Variants in PHF3 observed in about 807,000 individuals in gnomAD.
The protein encoded by PHF3 is PHD finger protein 3.
Under a neutral mutation model 178.4 loss-of-function variants are expected in PHF3, and 41 were observed. That is an observed-to-expected ratio of 0.23 (90% CI 0.18 to 0.30). The LOEUF is 0.30. Ranked by LOEUF, PHF3 falls within the 10% of genes least tolerant of loss-of-function variation. The probability of loss-of-function intolerance (pLI) is 1.00; values close to 1 mark genes in which losing one functional copy is unlikely to be tolerated. For synonymous variants in PHF3, 842 were observed against 800.5 expected, an observed-to-expected ratio of 1.05 and a Z score of -0.88; for missense variants, 2,346 against 2,398.1, an observed-to-expected ratio of 0.98 and a Z score of 0.45.
chr6:63,713,381 AAG>A lies in PHF3; in HGVS notation c.5798_5799del (p.Glu1933AlafsTer3). On this transcript the variant is annotated frameshift_variant, in exon 16 of 16. Transcript: ENST00000262043. LOFTEE classifies it high-confidence loss of function. ...TTTATAGTGATTCACACCATTTGAAAAGAGAGCGACATGAAAAGGAATGGGAG... is the reference window on the plus strand; with the variant it reads ...TTTATAGTGATTCACACCATTTGAAAAGAGCGACATGAAAAGGAATGGGAG... Reference protein sequence around the residue: ...RFYSDSHHLKRERHEKEWEQE... With the variant: ...RFYSDSHHLKXERHEKEWEQE... 1.9e-6 allele frequency: 3 copies of A among 1,614,074 alleles called. No individual in the cohort carries two copies. The highest frequency in any genetic ancestry group is 1.1e-5 in the South Asian group (1 of 91,080).
intron 3 of PHF3, among the ~76,000 whole-genome samples, chr6:63,681,679 C>T (rs1461366237): frequency 6.6e-6 from 1 of 151,966 alleles, no homozygotes; most frequent in African/African-American, 2.4e-5. Context: ...TATTAAGATA[C>T]TAATGGCGTT....
chr6:63,656,910 C>T (rs1204224791), intron 2 of PHF3, among the ~76,000 whole-genome samples: 3 of 152,118 alleles, frequency 2.0e-5, no homozygotes, highest in Non-Finnish European at 4.4e-5. Flanking sequence ...TGTTAGGTTG[C>T]CTTTCCTCCA....
intron 2 of PHF3, among the ~76,000 whole-genome samples, chr6:63,669,195 A>T (rs1018097897): frequency 6.6e-6 from 1 of 152,236 alleles, no homozygotes; most frequent in Non-Finnish European, 1.5e-5. Context: ...ATTGTAAATA[A>T]ATCTTCAAGA....
intron 12 of PHF3, 32 bp downstream of exon 12, chr6:63,706,256 TC>T: frequency 6.8e-7 from 1 of 1,467,582 alleles, no homozygotes. Flanking sequence ...TCTGTAATAC[TC>T]ATTATAGATC....
rs191364787 is a variant in PHF3, at chr6:63,725,789, A to C, written c.*12081A>C. The stretch of plus-strand genomic sequence containing the variant: ...TGATCATTAGAGCACCATTTTTGCT[A>C]ATGATGTGAAATTTAGCAAATGTAA... On this transcript the variant is annotated 3_prime_UTR_variant, in exon 16 of 16. Coordinates refer to ENST00000262043, the MANE Select transcript of PHF3 (RefSeq NM_001370348.2). 3.3e-3 allele frequency among the ~76,000 whole-genome samples: 500 copies of C among 152,252 alleles called. 1 individual carries two copies. Among genetic ancestry groups the C allele is most frequent in the Non-Finnish European group, 5.2e-3 (354 of 67,968 alleles).
Position 63,721,061 on chromosome 6 carries a change from T to A in PHF3, c.*7353T>A. The A allele has an allele frequency of 1.3e-6, 2 of 1,551,392 alleles. No individual in the cohort carries two copies. The highest frequency in any genetic ancestry group is 1.7e-6 in the Non-Finnish European group (2 of 1,146,818). The stretch of plus-strand genomic sequence containing the variant: ...CCATCCATACAATTAGACCTTCTGT[T>A]TTAGTGGTACTGAAATTTAAGGATA... On this transcript the variant is annotated 3_prime_UTR_variant, in exon 16 of 16. Coordinates refer to ENST00000262043, the MANE Select transcript of PHF3 (RefSeq NM_001370348.2).
At position 63,635,855 on chromosome 6, in the gene PHF3, C is replaced by T. The variant is rs1279124947; in HGVS notation, c.-321C>T. 5.0e-6 allele frequency: 2 copies of T among 397,044 alleles called. No homozygotes were observed. The highest frequency in any genetic ancestry group is 8.9e-6 in the Non-Finnish European group (2 of 225,008). The allele number at this position is 397,044 out of a possible 1,614,324, so 24.6% of individuals were successfully genotyped here. A position where few individuals can be genotyped will look rare whatever the true frequency, so the allele number is the denominator to read the frequency against. ...CAGCTCCCGCGCCGCCGCCGCACGCCGATGGCTGCGGGGTCTCGCGCCGTC... is the reference window on the plus strand; with the variant it reads ...CAGCTCCCGCGCCGCCGCCGCACGCTGATGGCTGCGGGGTCTCGCGCCGTC... On this transcript the variant is annotated 5_prime_UTR_variant, in exon 1 of 16. Transcript: ENST00000262043.
intron 2 of PHF3, among the ~76,000 whole-genome samples, chr6:63,673,133 C>G (rs888162758): frequency 1.3e-5 from 2 of 151,132 alleles, no homozygotes; most frequent in African/African-American, 4.9e-5. Flanking sequence ...TTTTTAATGT[C>G]AACAATCTTG....
At position 63,717,425 on chromosome 6, in the gene PHF3, C is replaced by T. The variant is rs896716354; in HGVS notation, c.*3717C>T. 6.6e-6 allele frequency among the ~76,000 whole-genome samples: 1 copy of T among 152,058 alleles called. No homozygotes were observed. Among genetic ancestry groups the T allele is most frequent in the African/African-American group, 2.4e-5 (1 of 41,436 alleles). ...GACTACAAAGAACTATATACACAATCAGGTTTATTTCTGTCTCTTAAAGCA... is the reference window on the plus strand; with the variant it reads ...GACTACAAAGAACTATATACACAATTAGGTTTATTTCTGTCTCTTAAAGCA... On this transcript the variant is annotated 3_prime_UTR_variant, in exon 16 of 16. Coordinates refer to ENST00000262043, the MANE Select transcript of PHF3 (RefSeq NM_001370348.2).
At chr6:63,686,206 AAAG>A (rs2149585526) in intron 4 of PHF3, 1 of 320,376 alleles carries the variant, frequency 3.1e-6, no homozygotes, top group East Asian at 5.1e-5. Flanking sequence ...CATCTGCAAA[AAAG>A]CCAAACACTT....
rs1391538009 is a variant in PHF3, at chr6:63,712,181, A to G, written c.4593A>G (p.Ser1531=). 6.2e-7 allele frequency: 1 copy of G among 1,613,678 alleles called. No homozygotes were observed. The highest frequency in any genetic ancestry group is 8.5e-7 in the Non-Finnish European group (1 of 1,179,792). Residue 1531 remains serine (S), a synonymous_variant, in exon 16 of 16, where the codon TCA becomes TCG. Transcript: ENST00000262043. ...KEIKVKVDNI[S]ESTDKSAEIE... is the part of the protein sequence containing the mutation. ...TAAAAGTTAAAGTAGATAATATTTC[A>G]GAATCTACAGATAAGTCAGCAGAAA... is the stretch of plus-strand genomic sequence containing the variant.
At chr6:63,688,792 TAGAA>T (rs1265016981) in intron 4 of PHF3, among the ~76,000 whole-genome samples, 1 of 152,236 alleles carries the variant, frequency 6.6e-6, no homozygotes, top group Non-Finnish European at 1.5e-5. Flanking sequence ...ATAAATTTAT[TAGAA>T]AGGGCATGTT....
chr6:63,699,348 A>T (rs576879448), intron 8 of PHF3, among the ~76,000 whole-genome samples: 10 of 152,294 alleles, frequency 6.6e-5, no homozygotes, highest in Admixed American at 4.6e-4. Flanking sequence ...GCTATAGATT[A>T]CTCTAGGTAA....
chr6:63,721,461 T>A lies in PHF3; in HGVS notation c.*7753T>A, dbSNP rs1768386672. 6.4e-7 allele frequency: 1 copy of A among 1,551,484 alleles called. No individual in the cohort carries two copies. Among genetic ancestry groups the A allele is most frequent in the Admixed American group, 2.0e-5 (1 of 50,966 alleles). On this transcript the variant is annotated 3_prime_UTR_variant, in exon 16 of 16. Coordinates refer to ENST00000262043, the MANE Select transcript of PHF3 (RefSeq NM_001370348.2). ...TGCTCCAAATTCAGTTAATTGTAAT[T>A]CTTGATTATTTATGATAACTTGTCG...
intron 6 of PHF3, among the ~76,000 whole-genome samples, chr6:63,697,766 C>T (rs908849260): frequency 6.6e-6 from 1 of 152,010 alleles, no homozygotes; most frequent in Non-Finnish European, 1.5e-5. Flanking sequence ...AATAAATGTG[C>T]TGGTATAATA....
At position 63,713,058 on chromosome 6, in the gene PHF3, C is replaced by G. The variant is rs1768030699; in HGVS notation, c.5470C>G (p.Pro1824Ala). ...GFPFPGPPNF[P>A]PQSMFGFPPH... ...TCCATTTCCAGGGCCTCCTAATTTT[C>G]CCCCACAAAGCATGTTTGGATTTCC... is the stretch of plus-strand genomic sequence containing the variant. The change falls in exon 16 of 16, where the codon CCC (proline) becomes GCC (alanine). Residue 1824 changes from proline (P) to alanine (A), a missense_variant. By Grantham distance (27) the Pro-to-Ala change is conservative. Around this residue, in one of 8 missense-constraint regions of PHF3, gnomAD observed 839 missense variants for 806.9 expected, o/e 1.04. Coordinates refer to ENST00000262043, the MANE Select transcript of PHF3 (RefSeq NM_001370348.2). 6.2e-7 allele frequency: 1 copy of G among 1,614,036 alleles called. No individual in the cohort carries two copies. The highest frequency in any genetic ancestry group is 2.2e-5 in the East Asian group (1 of 44,864).
chr6:63,680,434 TATAGCTCTAGGTAAC>T (rs1274666778), intron 3 of PHF3, among the ~76,000 whole-genome samples: 1 of 150,708 alleles, frequency 6.6e-6, no homozygotes, highest in African/African-American at 2.4e-5. Flanking sequence ...TATTTACCTT[TATAGCTCTAGGTAAC>T]ATGCATATGT....
intron 6 of PHF3, among the ~76,000 whole-genome samples, chr6:63,695,020 T>C (rs572987948): frequency 2.0e-5 from 3 of 152,276 alleles, no homozygotes; most frequent in South Asian, 2.1e-4. Flanking sequence ...AAGAAGGCAG[T>C]AAGTTTGCAA....
chr6:63,680,174 GAGAGGTCTAGCTAGAAAATT>G lies in PHF3; in HGVS notation c.406+20_406+39del. 3 of 1,589,228 alleles carry G rather than the reference GAGAGGTCTAGCTAGAAAATT, an allele frequency of 1.9e-6. No homozygotes were observed. Among genetic ancestry groups the G allele is most frequent in the African/African-American group, 1.4e-5 (1 of 73,774 alleles). On this transcript the variant is annotated intron_variant, in intron 3 of 15. Coordinates refer to ENST00000262043, the MANE Select transcript of PHF3 (RefSeq NM_001370348.2). ...TTAATGGCACAAGGTAATCCTTTGA[GAGAGGTCTAGCTAGAAAATT>G]AGAGGTATAGGGACAGATGTGTTAG...
Sources: gnomAD v4.1 joint callset for allele counts (sites outside exome capture counted in the v4.1 genomes callset) on GRCh38, gnomAD v4.1.1 for gene constraint, gnomAD v4.1.1 regional missense constraint, MANE v1.5 for transcripts, NCBI Gene and HGNC (gene_info 2026-07-23, HGNC 2026-07-21) for gene names.